The following ANKFN1 variants were observed in gnomAD, a reference collection of about 807,000 sequenced individuals.
ANKFN1 encodes the protein ankyrin repeat and fibronectin type-III domain-containing protein 1.
ANKFN1 carries 74 observed loss-of-function variants against 108.7 expected under a neutral mutation model. That is an observed-to-expected ratio of 0.68 (90% CI 0.56 to 0.83). The LOEUF is 0.83. Ranked by LOEUF, ANKFN1 falls within the 40% of genes least tolerant of loss-of-function variation. The pLI is 0.00. For missense variants in ANKFN1, 1,505 were observed against 1,382.3 expected (o/e 1.09, Z -1.41); for synonymous variants, 547 against 516.2 (o/e 1.06, Z -0.81).
intron 5 of ANKFN1, among the ~76,000 whole-genome samples, chr17:56,351,553 A>C (rs978839065): frequency 1.3e-5 from 2 of 152,194 alleles, no homozygotes; most frequent in African/African-American, 2.4e-5. Flanking sequence ...TTATCATTAC[A>C]TTCATCTCTG....
At chr17:56,422,653 C>T (rs2048448839) in intron 8 of ANKFN1, among the ~76,000 whole-genome samples, 2 of 152,086 alleles carry the variant, frequency 1.3e-5, no homozygotes, top group Admixed American at 6.5e-5. Flanking sequence ...TTTAAGCCTT[C>T]AGATGAGGAT....
intron 20 of ANKFN1, among the ~76,000 whole-genome samples, chr17:56,502,045 G>T (rs974724919): frequency 1.3e-5 from 2 of 152,194 alleles, no homozygotes; most frequent in African/African-American, 4.8e-5. Context: ...AGGGAAGAAG[G>T]AGGGAAGGTA....
At chr17:56,082,093 T>G (rs1252350499) in intron 4 of ANKFN1, among the ~76,000 whole-genome samples, 1 of 152,168 alleles carries the variant, frequency 6.6e-6, no homozygotes, top group Non-Finnish European at 1.5e-5. Context: ...ACTTTCCTGG[T>G]GGGGTTTGGG....
chr17:56,349,393 G>A (rs1470031953), intron 4 of ANKFN1, among the ~76,000 whole-genome samples: 1 of 146,482 alleles, frequency 6.8e-6, no homozygotes. Context: ...TTAAAAGCTG[G>A]AAAAAAAAAA....
intron 3 of ANKFN1, among the ~76,000 whole-genome samples, chr17:56,232,256 G>A (rs1916791798): frequency 6.6e-6 from 1 of 152,114 alleles, no homozygotes; most frequent in East Asian, 1.9e-4. Flanking sequence ...CTTTTAAAAT[G>A]TTACAGCCTG....
At chr17:56,281,617 T>G (rs1735992286) in intron 3 of ANKFN1, among the ~76,000 whole-genome samples, 1 of 152,172 alleles carries the variant, frequency 6.6e-6, no homozygotes, top group Non-Finnish European at 1.5e-5. Flanking sequence ...GGACTTATAT[T>G]CAGAATACAT....
chr17:56,350,486 T>C (rs933590966), intron 4 of ANKFN1, among the ~76,000 whole-genome samples: 6 of 152,174 alleles, frequency 3.9e-5, no homozygotes, highest in African/African-American at 1.4e-4. Flanking sequence ...CAATCATATA[T>C]ATGTCTGTAT....
intron 4 of ANKFN1, among the ~76,000 whole-genome samples, chr17:56,054,009 C>T (rs1904823030): frequency 1.3e-5 from 2 of 152,052 alleles, no homozygotes; most frequent in Admixed American, 1.3e-4. Flanking sequence ...ATTCTTCCTC[C>T]CTCCCTCTTC....
chr17:56,188,585 A>G (rs866645583), intron 1 of ANKFN1, among the ~76,000 whole-genome samples: 1,856 of 95,646 alleles, frequency 0.019, 50 homozygotes, highest in African/African-American at 0.083. Flanking sequence ...GTGTGTGTAT[A>G]TATATATATA....
intron 4 of ANKFN1, among the ~76,000 whole-genome samples, chr17:56,336,931 T>C (rs999386788): frequency 2.6e-5 from 4 of 152,196 alleles, no homozygotes; most frequent in African/African-American, 9.6e-5. Context: ...CTTTGTTTCA[T>C]TGGTTTCAAA....
At chr17:56,356,292 A>G (rs532907246) in intron 6 of ANKFN1, among the ~76,000 whole-genome samples, 1 of 152,304 alleles carries the variant, frequency 6.6e-6, no homozygotes, top group African/African-American at 2.4e-5. Context: ...TCTCTGACCC[A>G]TTGACCACAA....
chr17:56,249,199 C>T (rs1394009282), intron 3 of ANKFN1, among the ~76,000 whole-genome samples: 1 of 152,044 alleles, frequency 6.6e-6, no homozygotes, highest in East Asian at 1.9e-4. Context: ...CTTTGGGAGG[C>T]CGAGGTGGGC....
At chr17:56,441,564 A>G (rs918005901) in intron 9 of ANKFN1, among the ~76,000 whole-genome samples, 1 of 152,192 alleles carries the variant, frequency 6.6e-6, no homozygotes, top group Non-Finnish European at 1.5e-5. Flanking sequence ...TTCCAACCCT[A>G]TGGCTCACAA....
At chr17:56,229,520 A>G (rs1916542576) in intron 3 of ANKFN1, among the ~76,000 whole-genome samples, 1 of 151,990 alleles carries the variant, frequency 6.6e-6, no homozygotes, top group Non-Finnish European at 1.5e-5. Context: ...GATACTTGGT[A>G]TATATTAATC....
At chr17:56,482,311 A>G (rs2050734956) in intron 17 of ANKFN1, 45 bp from the exon 18 acceptor site, 4 of 1,502,116 alleles carry the variant, frequency 2.7e-6, no homozygotes, top group Non-Finnish European at 3.6e-6. Context: ...TGTAAGTGCC[A>G]TGTTGTAACT....
At chr17:56,335,095 T>G (rs1210106607) in intron 4 of ANKFN1, among the ~76,000 whole-genome samples, 1 of 150,864 alleles carries the variant, frequency 6.6e-6, no homozygotes, top group Non-Finnish European at 1.5e-5. Context: ...ATCACTGTTT[T>G]GTACCATGAT....
intron 18 of ANKFN1, among the ~76,000 whole-genome samples, chr17:56,489,948 C>A (rs1209859654): frequency 6.6e-6 from 1 of 152,148 alleles, no homozygotes; most frequent in Admixed American, 6.6e-5. Context: ...ACCTGAAACA[C>A]CTTTCCAAAC....
chr17:56,069,400 A>T (rs1302286209), intron 4 of ANKFN1, among the ~76,000 whole-genome samples: 1 of 152,202 alleles, frequency 6.6e-6, no homozygotes. Context: ...GACCATGAAG[A>T]GTACATTTAA....
At chr17:56,114,820 G>C (rs1477570498) in intron 4 of ANKFN1, among the ~76,000 whole-genome samples, 1 of 152,194 alleles carries the variant, frequency 6.6e-6, no homozygotes, top group Non-Finnish European at 1.5e-5. Context: ...GAAAGAGGGA[G>C]GCAGATGAAT....
Sources: gnomAD v4.1 joint callset for allele counts (sites outside exome capture counted in the v4.1 genomes callset) on GRCh38, gnomAD v4.1.1 for gene constraint, MANE v1.5 for transcripts, NCBI Gene and HGNC (gene_info 2026-07-23, HGNC 2026-07-21) for gene names.